SEPTIN12: variants seen among roughly 807,000 people sequenced by gnomAD.
SEPTIN12 encodes septin-12.
In SEPTIN12, 42 loss-of-function variants were observed where a neutral mutation model predicts 37.7. That is an observed-to-expected ratio of 1.11 (90% confidence interval 0.87 to 1.44). The LOEUF is 1.44. Among genes scored for constraint, SEPTIN12 ranks in the 40% most tolerant of loss-of-function variants. SEPTIN12 has a pLI of 0.00. For missense variants in SEPTIN12, 613 were observed against 479.2 expected, an observed-to-expected ratio of 1.28 and a Z score of -2.61; for synonymous variants, 254 against 196.7, an observed-to-expected ratio of 1.29 and a Z score of -2.44.
At chr16:4,788,369 A>T (rs367831881), upstream of SEPTIN12, 15 of 152,912 alleles carry the variant, frequency 9.8e-5, no homozygotes, top group African/African-American at 3.6e-4. Flanking sequence ...AGAGGGTGAC[A>T]GTTAACCGAA....
intron 3 of SEPTIN12, 44 bp downstream of exon 3, chr16:4,785,936 G>A: frequency 6.2e-7 from 1 of 1,609,910 alleles, no homozygotes; most frequent in Non-Finnish European, 8.5e-7. Context: ...AGGTGGGATG[G>A]GGTGGGGCAG....
At chr16:4,784,313 AAGT>A (rs2082409508) in intron 4 of SEPTIN12, 1 of 525,834 alleles carries the variant, frequency 1.9e-6, no homozygotes, top group South Asian at 2.2e-5. Context: ...CCTACGTTGC[AAGT>A]AAGGGAGGGG....
rs750479571 is a variant in SEPTIN12 at position 4,787,671 on chromosome 16, T to C, written c.-22-4A>G. Reference sequence around the variant, plus strand: ...GGGGGCCAAGGGTTCGAGATGCCTGTCACCAGGTGGGTGGGGAGAAGGGGG... The same window carrying C: ...GGGGGCCAAGGGTTCGAGATGCCTGCCACCAGGTGGGTGGGGAGAAGGGGG... On this transcript the variant is annotated splice_polypyrimidine_tract_variant and splice_region_variant and intron_variant, in intron 1 of 9. Transcript: ENST00000268231. 20 of 1,402,006 alleles carry C rather than the reference T, an allele frequency of 1.4e-5. No homozygotes were observed. Among genetic ancestry groups the C allele is most frequent in the Non-Finnish European group, 2.0e-5 (20 of 1,020,988 alleles). The allele number at this position is 1,402,006 out of a possible 1,614,324, so 86.8% of individuals were successfully genotyped here. A position where few individuals can be genotyped will look rare whatever the true frequency, so the allele number is the denominator to read the frequency against.
chr16:4,782,898 CCCGG>C (rs2082387836), intron 7 of SEPTIN12, among the ~76,000 whole-genome samples: 1 of 151,528 alleles, frequency 6.6e-6, no homozygotes, highest in Non-Finnish European at 1.5e-5. Flanking sequence ...AGCCACTGCG[CCCGG>C]CCAACACATT....
Position 4,777,823 on chromosome 16 carries a change from G to T in SEPTIN12, c.1051C>A (p.His351Asn), listed in dbSNP as rs866129063. Residue 351 changes from histidine (H) to asparagine (N), a missense_variant, in exon 10 of 10, where the codon CAT (histidine) becomes AAT (asparagine). Transcript: ENST00000268231. ...CAGAACTCATCATCAGAATCGTCATGGGCCCCCCTGCAGACCTTGAAGGTC... is the reference window on the plus strand; with the variant it reads ...CAGAACTCATCATCAGAATCGTCATTGGCCCCCCTGCAGACCTTGAAGGTC... ...PRTFKVCRGA[H>N]DDSDDEF The T allele has an allele frequency of 6.3e-7, 1 of 1,578,122 alleles. No individual in the cohort carries two copies. Among genetic ancestry groups the T allele is most frequent in the Admixed American group, 1.9e-5 (1 of 53,154 alleles).
upstream of SEPTIN12, among the ~76,000 whole-genome samples, chr16:4,789,419 G>C (rs1242216936): frequency 6.6e-6 from 1 of 151,560 alleles, no homozygotes; most frequent in Admixed American, 6.6e-5. Flanking sequence ...TCTGCCTCCC[G>C]GGTTCACGCC....
chr16:4,780,235 G>A (rs2082358327), intron 7 of SEPTIN12, among the ~76,000 whole-genome samples: 1 of 151,906 alleles, frequency 6.6e-6, no homozygotes, highest in Non-Finnish European at 1.5e-5. Flanking sequence ...CCATAGGTGT[G>A]CACCACCATG....
intron 7 of SEPTIN12, among the ~76,000 whole-genome samples, chr16:4,781,849 G>A (rs529015431): frequency 6.0e-4 from 90 of 151,010 alleles, no homozygotes; most frequent in African/African-American, 2.1e-3. Context: ...TCTCCATGTC[G>A]GTCAGGCTGG....
chr16:4,778,148 T>C lies in SEPTIN12; in HGVS notation c.824-11A>G, dbSNP rs746806120. 6.2e-7 allele frequency: 1 copy of C among 1,614,156 alleles called. No individual in the cohort carries two copies. On this transcript the variant is annotated splice_polypyrimidine_tract_variant and intron_variant, in intron 8 of 9. Coordinates refer to ENST00000268231, the MANE Select transcript of SEPTIN12 (RefSeq NM_144605.5). ...GCGCCATGTTCTCCACTGCAAGACA[T>C]GGGACTCAGTATGGGCGCTGCTTAG...
At position 4,777,829 on chromosome 16, in the gene SEPTIN12, C is replaced by T. The variant is rs2082327894; in HGVS notation, c.1045G>A (p.Gly349Arg). 6.3e-7 allele frequency: 1 copy of T among 1,584,930 alleles called. No homozygotes were observed. Among genetic ancestry groups the T allele is most frequent in the African/African-American group, 1.3e-5 (1 of 74,678 alleles). ...TCATCATCAGAATCGTCATGGGCCC[C>T]CCTGCAGACCTTGAAGGTCCGGGGG... ...TTPRTFKVCRGAHDDSDDEF is the reference protein window; with the variant it reads ...TTPRTFKVCRRAHDDSDDEF The change falls in exon 10 of 10, where the codon GGG becomes AGG. Residue 349 changes from glycine (G) to arginine (R), a missense_variant. Physicochemically the swap from Gly to Arg is moderately radical, Grantham distance 125. Transcript: ENST00000268231.
At position 4,785,975 on chromosome 16, in the gene SEPTIN12, C is replaced by T. The variant is rs765559340; in HGVS notation, c.292+5G>A. The T allele has an allele frequency of 1.2e-6, 2 of 1,611,954 alleles. No homozygotes were observed. The highest frequency in any genetic ancestry group is 1.7e-6 in the Non-Finnish European group (2 of 1,178,608). On this transcript the variant is annotated splice_donor_5th_base_variant and intron_variant, in intron 3 of 9. Transcript: ENST00000268231. ...GGGGTGAGGTGTGGGCAGGGGCTCACTCACCATGGGTCAGTGAATGCAGCT... is the reference window on the plus strand; with the variant it reads ...GGGGTGAGGTGTGGGCAGGGGCTCATTCACCATGGGTCAGTGAATGCAGCT...
At chr16:4,789,808 T>C (rs2082522344), upstream of SEPTIN12, 1 of 152,206 alleles carries the variant, frequency 6.6e-6, no homozygotes, top group Non-Finnish European at 1.5e-5. Flanking sequence ...TAATTCTTTC[T>C]TGTTTCCTGG....
intron 7 of SEPTIN12, among the ~76,000 whole-genome samples, chr16:4,782,613 T>C (rs2082384188): frequency 6.6e-6 from 1 of 152,014 alleles, no homozygotes; most frequent in Admixed American, 6.6e-5. Context: ...CACAGCACTT[T>C]TTTTTTTAAG....
intron 7 of SEPTIN12, 24 bp downstream of exon 7, chr16:4,783,438 G>T (rs753982708): frequency 2.5e-6 from 4 of 1,581,432 alleles, no homozygotes; most frequent in Admixed American, 3.3e-5. Context: ...CACCTCGCCC[G>T]CCTCCCGCCC....
intron 7 of SEPTIN12, chr16:4,783,188 C>A: frequency 2.3e-6 from 1 of 431,926 alleles, no homozygotes; most frequent in Non-Finnish European, 4.3e-6. Context: ...GGATTACAGG[C>A]GTGAGCCACT....
chr16:4,789,753 C>G (rs992329996), upstream of SEPTIN12, among the ~76,000 whole-genome samples: 3 of 152,068 alleles, frequency 2.0e-5, no homozygotes, highest in African/African-American at 7.2e-5. Context: ...ACCACCATGC[C>G]CAGCCTGATA....
chr16:4,777,623 GC>G lies in SEPTIN12; in HGVS notation c.*173del. ...AGCCTGGGTAACAGAGTGACACCCA[GC>G]CTTTTTATTTGTGGATAGCTCAAAG... On this transcript the variant is annotated 3_prime_UTR_variant, in exon 10 of 10. Transcript: ENST00000268231. The G allele has an allele frequency of 3.4e-6, 2 of 589,410 alleles. No homozygotes were observed. Among genetic ancestry groups the G allele is most frequent in the Non-Finnish European group, 3.0e-6 (1 of 333,794 alleles). 36.5% of individuals were successfully genotyped at this position (589,410 alleles called of 1,614,324 possible). A position where few individuals can be genotyped will look rare whatever the true frequency, so the allele number is the denominator to read the frequency against.
At chr16:4,782,837 T>G (rs1479582936) in intron 7 of SEPTIN12, among the ~76,000 whole-genome samples, 1 of 151,620 alleles carries the variant, frequency 6.6e-6, no homozygotes, top group East Asian at 1.9e-4. Context: ...ACTCCTGACC[T>G]CAGGTGATCC....
In SEPTIN12 at chr16:4,777,820, C is replaced by T. The variant is rs1435193781; in HGVS notation, c.1054G>A (p.Asp352Asn). The change falls in exon 10 of 10, where the codon GAC becomes AAC. Residue 352 changes from aspartate (D) to asparagine (N), a missense_variant. By Grantham distance (23) the Asp-to-Asn change is conservative. Coordinates refer to ENST00000268231, the MANE Select transcript of SEPTIN12 (RefSeq NM_144605.5). ...RTFKVCRGAH[D>N]DSDDEF ...GGTCAGAACTCATCATCAGAATCGTCATGGGCCCCCCTGCAGACCTTGAAG... is the reference window on the plus strand; with the variant it reads ...GGTCAGAACTCATCATCAGAATCGTTATGGGCCCCCCTGCAGACCTTGAAG... The T allele has an allele frequency of 1.3e-6, 2 of 1,575,092 alleles. No individual in the cohort carries two copies. The highest frequency in any genetic ancestry group is 2.7e-5 in the African/African-American group (2 of 74,284).
Sources: gnomAD v4.1 joint callset for allele counts (sites outside exome capture counted in the v4.1 genomes callset) on GRCh38, gnomAD v4.1.1 for gene constraint, MANE v1.5 for transcripts, NCBI Gene and HGNC (gene_info 2026-07-23, HGNC 2026-07-21) for gene names.